LRMDA: variants seen among roughly 807,000 people sequenced by gnomAD.
The protein encoded by LRMDA is leucine rich melanocyte differentiation associated.
A neutral mutation model predicts 29.8 loss-of-function variants in LRMDA; 18 were observed. That is an observed-to-expected ratio of 0.60 (90% confidence interval 0.42 to 0.90). The LOEUF (loss-of-function observed/expected upper bound fraction) is 0.90, where lower values mean the gene tolerates loss of function less well. Ranked by LOEUF, LRMDA falls within the 40% of genes least tolerant of loss-of-function variation. The pLI is 0.00. For synonymous variants in LRMDA, 125 were observed against 109.4 expected (o/e 1.14, Z -0.89); for missense variants, 273 against 273.9 (o/e 1.00, Z 0.02).
intron 2 of LRMDA, among the ~76,000 whole-genome samples, chr10:75,460,835 C>T (rs1844576574): frequency 6.6e-6 from 1 of 152,020 alleles, no homozygotes; most frequent in Admixed American, 6.6e-5. Flanking sequence ...AATTGATTGA[C>T]ATATTTATAT....
Position 76,219,708 on chromosome 10 carries a change from G to A in LRMDA, c.517-104693G>A, listed in dbSNP as rs1195314533. 8.5e-5 allele frequency among the ~76,000 whole-genome samples: 13 copies of A among 152,198 alleles called. No individual in the cohort carries two copies. The East Asian group carries it at 1.7e-3, about 20-fold the overall frequency. ...CACTGTCAACATTAGACAGATCAAC[G>A]AGACAGAAAGTTAACAAGGATACCC... is the stretch of plus-strand genomic sequence containing the variant. On this transcript the variant is annotated intron_variant, in intron 5 of 6. Transcript: ENST00000611255.
At chr10:75,954,312 A>G (rs1846628454) in intron 2 of LRMDA, among the ~76,000 whole-genome samples, 1 of 152,188 alleles carries the variant, frequency 6.6e-6, no homozygotes, top group African/African-American at 2.4e-5. Context: ...GATTGGGGTT[A>G]TGCACCTGAC....
intron 2 of LRMDA, among the ~76,000 whole-genome samples, chr10:75,996,279 G>A (rs1320722443): frequency 2.6e-5 from 4 of 152,144 alleles, no homozygotes; most frequent in Non-Finnish European, 5.9e-5. Context: ...GTCTGAGAGG[G>A]GCTGGAAATT....
chr10:75,557,761 G>A (rs1360451764), intron 2 of LRMDA, among the ~76,000 whole-genome samples: 2 of 152,174 alleles, frequency 1.3e-5, no homozygotes, highest in Non-Finnish European at 2.9e-5. Context: ...CTTTAAGCAA[G>A]TGCCTCTGTT....
chr10:76,294,173 A>G (rs1840384276), intron 5 of LRMDA, among the ~76,000 whole-genome samples: 3 of 152,150 alleles, frequency 2.0e-5, no homozygotes, highest in Admixed American at 2.0e-4. Context: ...TGGGCCTATG[A>G]CCAGAGTGAA....
At chr10:75,755,529 A>T (rs895088852) in intron 2 of LRMDA, among the ~76,000 whole-genome samples, 1 of 152,248 alleles carries the variant, frequency 6.6e-6, no homozygotes, top group Non-Finnish European at 1.5e-5. Flanking sequence ...TCAGATGGTG[A>T]TGAGTGCTAT....
intron 2 of LRMDA, among the ~76,000 whole-genome samples, chr10:75,939,674 T>C (rs963516558): frequency 3.9e-5 from 6 of 152,162 alleles, no homozygotes; most frequent in Non-Finnish European, 5.9e-5. Flanking sequence ...AGCTTTTCTC[T>C]CCTCCATTAC....
chr10:76,521,978 C>T (rs1420391489), intron 6 of LRMDA, among the ~76,000 whole-genome samples: 1 of 152,108 alleles, frequency 6.6e-6, no homozygotes, highest in Non-Finnish European at 1.5e-5. Context: ...GAAACCTTCA[C>T]AAAATTCCTT....
intron 2 of LRMDA, among the ~76,000 whole-genome samples, chr10:75,695,223 TA>T (rs1051878499): frequency 2.6e-5 from 4 of 152,042 alleles, no homozygotes; most frequent in Non-Finnish European, 5.9e-5. Flanking sequence ...TCTGGTTTTT[TA>T]AAAAAAATAA....
intron 2 of LRMDA, among the ~76,000 whole-genome samples, chr10:75,801,937 T>A (rs1449150570): frequency 1.3e-5 from 2 of 152,184 alleles, no homozygotes; most frequent in African/African-American, 2.4e-5. Context: ...CTGTGTATGA[T>A]GCTACCCACC....
intron 2 of LRMDA, among the ~76,000 whole-genome samples, chr10:75,960,874 C>G (rs763104303): frequency 9.2e-5 from 14 of 152,096 alleles, no homozygotes; most frequent in African/African-American, 2.4e-4. Context: ...CTCAGCCTCC[C>G]GAAGTGCTGG....
chr10:76,056,525 G>A (rs892610313), intron 4 of LRMDA, among the ~76,000 whole-genome samples: 2 of 152,178 alleles, frequency 1.3e-5, no homozygotes, highest in African/African-American at 4.8e-5. Context: ...ATGCCTGCAG[G>A]CCCATGCTGA....
intron 6 of LRMDA, among the ~76,000 whole-genome samples, chr10:76,481,961 T>C (rs540666807): frequency 6.6e-6 from 1 of 151,980 alleles, no homozygotes; most frequent in African/African-American, 2.4e-5. Flanking sequence ...TGTTTTCAAC[T>C]GACTGTTAGA....
At chr10:75,911,523 C>G (rs141629152) in intron 2 of LRMDA, among the ~76,000 whole-genome samples, 39 of 152,332 alleles carry the variant, frequency 2.6e-4, no homozygotes, top group African/African-American at 8.9e-4. Context: ...GACTGTTTAA[C>G]TCTTTACATC....
At chr10:76,101,502 C>T (rs1239047265) in intron 5 of LRMDA, among the ~76,000 whole-genome samples, 1 of 152,074 alleles carries the variant, frequency 6.6e-6, no homozygotes, top group African/African-American at 2.4e-5. Flanking sequence ...TTTGGGAGGC[C>T]AAGGCAGGCG....
At chr10:76,556,032 A>G (rs549979293) in intron 6 of LRMDA, among the ~76,000 whole-genome samples, 1 of 152,342 alleles carries the variant, frequency 6.6e-6, no homozygotes, top group Non-Finnish European at 1.5e-5. Context: ...TGCAGGTGGC[A>G]AAAACAAAAC....
At chr10:75,959,938 T>G (rs146300566) in intron 2 of LRMDA, among the ~76,000 whole-genome samples, 4 of 152,320 alleles carry the variant, frequency 2.6e-5, no homozygotes, top group Non-Finnish European at 5.9e-5. Context: ...GCAAAAAATA[T>G]AAGTGGATTA....
At chr10:76,541,989 G>A (rs370850481) in intron 6 of LRMDA, among the ~76,000 whole-genome samples, 28 of 152,108 alleles carry the variant, frequency 1.8e-4, no homozygotes, top group Admixed American at 2.6e-4. Context: ...TCATACTTGC[G>A]TTGTTCCAGA....
At chr10:76,197,662 T>C (rs1274695391) in intron 5 of LRMDA, among the ~76,000 whole-genome samples, 3 of 152,154 alleles carry the variant, frequency 2.0e-5, no homozygotes, top group African/African-American at 7.2e-5. Context: ...TTCACACCTG[T>C]AATCTTAACA....
Sources: gnomAD v4.1 joint callset for allele counts (sites outside exome capture counted in the v4.1 genomes callset) on GRCh38, gnomAD v4.1.1 for gene constraint, MANE v1.5 for transcripts, NCBI Gene and HGNC (gene_info 2026-07-23, HGNC 2026-07-21) for gene names.